Variants in PLCXD3 observed in about 807,000 individuals in gnomAD.
PLCXD3 encodes phosphatidylinositol specific phospholipase C X domain containing 3.
In PLCXD3, 19 loss-of-function variants were observed where a neutral mutation model predicts 25.5. The ratio of observed to expected loss-of-function variants is 0.75; its 90% CI spans 0.52 to 1.09. The LOEUF is 1.09. Among genes scored for constraint, PLCXD3 ranks in the 50% least tolerant of loss-of-function variants. The pLI, the probability that PLCXD3 is intolerant of heterozygous loss-of-function variation, is 0.00. For missense variants in PLCXD3, 411 were observed against 388.1 expected (o/e 1.06, Z -0.50); for synonymous variants, 174 against 137.6 (o/e 1.26, Z -1.85).
chr5:41,381,963 C>T lies in PLCXD3; in HGVS notation c.675G>A (p.Leu225=). The part of the protein sequence containing the change: ...PWANTTDPEK[L]IQFLQASITE... ...TGATGGATGCTTGAAGAAACTGGATCAGTTTCTCGGGGTCTGTGGTGTTGG... is the reference window on the plus strand; with the variant it reads ...TGATGGATGCTTGAAGAAACTGGATTAGTTTCTCGGGGTCTGTGGTGTTGG... The change falls in exon 2 of 3, where the codon CTG becomes CTA. Residue 225 remains leucine (L), a synonymous_variant. Transcript: ENST00000377801. 2 of 1,613,488 alleles carry T rather than the reference C, an allele frequency of 1.2e-6. No homozygotes were observed. The highest frequency in any genetic ancestry group is 1.7e-6 in the Non-Finnish European group (2 of 1,179,716).
At chr5:41,336,888 G>T (rs1290156716) in intron 2 of PLCXD3, among the ~76,000 whole-genome samples, 4 of 152,060 alleles carry the variant, frequency 2.6e-5, no homozygotes, top group Non-Finnish European at 5.9e-5. Flanking sequence ...GAGAATTCGA[G>T]AGTAAACCTT....
At chr5:41,403,414 T>A (rs1488422789) in intron 1 of PLCXD3, among the ~76,000 whole-genome samples, 7 of 44,988 alleles carry the variant, frequency 1.6e-4, no homozygotes, top group African/African-American at 5.5e-4. Context: ...TTTTTTTTTT[T>A]TTATTATACT....
At position 41,482,340 on chromosome 5, in the gene PLCXD3, G is replaced by A. The variant is rs191669352; in HGVS notation, c.103+28084C>T. ...TGGTGCTACCGACCCTATCCATGAA[G>A]AGAAATTGTCTTTGTAGGGCTTTGT... is the stretch of plus-strand genomic sequence containing the variant. On this transcript the variant is annotated intron_variant, in intron 1 of 2. Coordinates refer to ENST00000377801, the MANE Select transcript of PLCXD3 (RefSeq NM_001005473.3). Among the ~76,000 whole-genome samples the A allele has an allele frequency of 4.5e-3, 682 of 152,246 alleles. 8 individuals carry two copies. The highest frequency in any genetic ancestry group is 0.016 in the African/African-American group (651 of 41,542).
intron 1 of PLCXD3, among the ~76,000 whole-genome samples, chr5:41,496,579 A>T (rs1048231782): frequency 6.6e-6 from 1 of 151,242 alleles, no homozygotes; most frequent in Non-Finnish European, 1.5e-5. Flanking sequence ...ACAATATCTG[A>T]CAAAACTGTC....
Position 41,437,202 on chromosome 5 carries a change from A to C in PLCXD3, c.104-54668T>G, listed in dbSNP as rs143986224. On this transcript the variant is annotated intron_variant, in intron 1 of 2. Coordinates refer to ENST00000377801, the MANE Select transcript of PLCXD3 (RefSeq NM_001005473.3). The stretch of plus-strand genomic sequence containing the variant: ...TCTTTGGGGAGCTTACAATCTAAAC[A>C]CAGTGACAAGACATCATACATGAAA... 4.3e-3 allele frequency among the ~76,000 whole-genome samples: 654 copies of C among 152,354 alleles called. 2 individuals are homozygous for C. The highest frequency in any genetic ancestry group is 7.3e-3 in the Admixed American group (112 of 15,302).
chr5:41,476,232 A>G (rs927190144), intron 1 of PLCXD3, among the ~76,000 whole-genome samples: 2 of 152,182 alleles, frequency 1.3e-5, no homozygotes, highest in African/African-American at 4.8e-5. Context: ...TGGGCAGAAA[A>G]AAGTTTACAT....
chr5:41,446,847 T>C (rs1205800533), intron 1 of PLCXD3, among the ~76,000 whole-genome samples: 2 of 152,240 alleles, frequency 1.3e-5, no homozygotes, highest in African/African-American at 4.8e-5. Context: ...TGGCCATAAG[T>C]GCTAGTTTCA....
intron 1 of PLCXD3, among the ~76,000 whole-genome samples, chr5:41,443,235 T>A (rs1283122485): frequency 1.3e-5 from 2 of 151,950 alleles, no homozygotes; most frequent in Non-Finnish European, 2.9e-5. Context: ...GTACCTTTAC[T>A]ATGTTTAGAT....
Position 41,308,856 on chromosome 5 carries a change from T to C in PLCXD3, c.*4761A>G, listed in dbSNP as rs532845978. The C allele has an allele frequency of 1.9e-4, 29 of 152,426 alleles. No individual in the cohort carries two copies. The highest frequency in any genetic ancestry group is 3.2e-3 in the Middle Eastern group (1 of 316). 9.4% of individuals were successfully genotyped at this position (152,426 alleles called of 1,614,324 possible). The stretch of plus-strand genomic sequence containing the variant: ...TTAGTCTGTATGAAAATGAAGTTAA[T>C]ATATGAATTGATGTTTGATTATTAC... On this transcript the variant is annotated 3_prime_UTR_variant, in exon 3 of 3. Transcript: ENST00000377801.
At chr5:41,380,644 T>G (rs960063470) in intron 2 of PLCXD3, among the ~76,000 whole-genome samples, 1 of 152,144 alleles carries the variant, frequency 6.6e-6, no homozygotes, top group Non-Finnish European at 1.5e-5. Context: ...TCACACATAC[T>G]ATTTTCACTG....
At chr5:41,361,620 T>A (rs578257643) in intron 2 of PLCXD3, among the ~76,000 whole-genome samples, 9 of 152,328 alleles carry the variant, frequency 5.9e-5, no homozygotes, top group Admixed American at 1.3e-4. Flanking sequence ...CCAAATGGAA[T>A]GAACAATAGA....
rs1744583151 is a variant in PLCXD3, at chr5:41,355,136, C to A, written c.812+26690G>T. On this transcript the variant is annotated intron_variant, in intron 2 of 2. Coordinates refer to ENST00000377801, the MANE Select transcript of PLCXD3 (RefSeq NM_001005473.3). ...CAAACCTCACTGTGCCACCATCCTG[C>A]TCCTTCCTTAACACTAGACTGATAC... Among the ~76,000 whole-genome samples, 9 of 152,330 alleles carry A rather than the reference C, an allele frequency of 5.9e-5. No homozygotes were observed. The South Asian group carries it at 1.9e-3, about 32-fold the overall frequency.
rs535178508 is a variant in PLCXD3 at position 41,442,177 on chromosome 5, G to T, written c.104-59643C>A. Among the ~76,000 whole-genome samples, 4 of 152,318 alleles carry T rather than the reference G, an allele frequency of 2.6e-5. No homozygotes were observed. In the East Asian group the frequency reaches 5.8e-4, roughly 22 times the overall value. The stretch of plus-strand genomic sequence containing the variant: ...ATTAAAAAGAGTAAGCCCTCTCTAT[G>T]CCATGATAATAGTGAATTCTCCTTC... On this transcript the variant is annotated intron_variant, in intron 1 of 2. Transcript: ENST00000377801.
chr5:41,504,165 C>G (rs111732286), intron 1 of PLCXD3, among the ~76,000 whole-genome samples: 8 of 152,238 alleles, frequency 5.3e-5, no homozygotes, highest in Admixed American at 4.6e-4. Context: ...AATATAGACC[C>G]TAGCTGTGTT....
At chr5:41,367,777 T>C (rs1744979022) in intron 2 of PLCXD3, among the ~76,000 whole-genome samples, 1 of 152,172 alleles carries the variant, frequency 6.6e-6, no homozygotes, top group Non-Finnish European at 1.5e-5. Flanking sequence ...TTTTGGGTTT[T>C]ACATTTAAGT....
At chr5:41,418,875 T>C (rs533511101) in intron 1 of PLCXD3, among the ~76,000 whole-genome samples, 4 of 152,302 alleles carry the variant, frequency 2.6e-5, no homozygotes, top group African/African-American at 9.6e-5. Context: ...TATGATCTGT[T>C]CCACCTCAGA....
chr5:41,438,815 A>C (rs1388768883), intron 1 of PLCXD3, among the ~76,000 whole-genome samples: 1 of 152,136 alleles, frequency 6.6e-6, no homozygotes, highest in Non-Finnish European at 1.5e-5. Context: ...AAAAAAAAAA[A>C]AAACTTTACA....
At chr5:41,507,300 C>T (rs924170985) in intron 1 of PLCXD3, among the ~76,000 whole-genome samples, 6 of 151,894 alleles carry the variant, frequency 4.0e-5, no homozygotes, top group East Asian at 1.9e-4. Flanking sequence ...CAAATATGCA[C>T]GAATTAAAAC....
In PLCXD3 at chr5:41,382,493, G is replaced by A. The variant is rs763591172; in HGVS notation, c.145C>T (p.Pro49Ser). The change falls in exon 2 of 3, where the codon CCA (proline) becomes TCA (serine). Residue 49 changes from proline to serine, a missense_variant. Pro to Ser is a moderately conservative substitution (Grantham distance 74, BLOSUM62 -1). Coordinates refer to ENST00000377801, the MANE Select transcript of PLCXD3 (RefSeq NM_001005473.3). Reference sequence around the variant, plus strand: ...GTTTCTGGCTGCTCAGGACCTACTGGAGAGGCTTCATCAATGTAGAAGCTG... The same window carrying A: ...GTTTCTGGCTGCTCAGGACCTACTGAAGAGGCTTCATCAATGTAGAAGCTG... ...SFSFYIDEAS[P>S]VGPEQPETVQ... is the part of the protein sequence containing the mutation. 1.2e-6 allele frequency: 2 copies of A among 1,608,102 alleles called. No individual in the cohort carries two copies. The highest frequency in any genetic ancestry group is 3.3e-5 in the Admixed American group (2 of 59,884).
Sources: allele counts gnomAD v4.1 joint callset (sites outside exome capture counted in the v4.1 genomes callset), GRCh38; gene constraint gnomAD v4.1.1; transcripts MANE v1.5; gene names NCBI Gene and HGNC (gene_info 2026-07-23, HGNC 2026-07-21).